DCTN3: variants seen among roughly 807,000 people sequenced by gnomAD.
DCTN3 encodes the protein dynactin subunit 3, also known as dynactin 3 (p22).
Under a neutral mutation model 28.4 loss-of-function variants are expected in DCTN3, and 25 were observed. The ratio of observed to expected loss-of-function variants is 0.88; its 90% CI spans 0.64 to 1.23. The LOEUF is 1.23. DCTN3 is among the 50% of genes most tolerant of loss of function. The pLI is 0.00. For synonymous variants in DCTN3, 81 were observed against 91.4 expected (o/e 0.89, Z 0.65); for missense variants, 229 against 232.0 (o/e 0.99, Z 0.08).
In DCTN3 at chr9:34,620,370, T is replaced by C. The variant is rs1321352121; in HGVS notation, c.95A>G (p.Lys32Arg). ...YGPGGARGSR[K>R]VADGLVKVQV... ...GGACTACCGGACCAGACTACTCACC[T>C]TCCGTGAGCCGCGCGCCCCGCCCGG... The change falls in exon 1 of 7, where the codon AAG becomes AGG. Residue 32 changes from lysine (K) to arginine (R), a missense_variant and splice_region_variant. By Grantham distance (26) the Lys-to-Arg change is conservative. Coordinates refer to ENST00000259632, the MANE Select transcript of DCTN3 (RefSeq NM_007234.5). 2 of 1,612,356 alleles carry C rather than the reference T, an allele frequency of 1.2e-6. No homozygotes were observed. Among genetic ancestry groups the C allele is most frequent in the African/African-American group, 1.3e-5 (1 of 75,026 alleles).
intron 2 of DCTN3, among the ~76,000 whole-genome samples, chr9:34,618,443 G>A (rs1482415638): frequency 2.0e-5 from 3 of 152,200 alleles, no homozygotes; most frequent in African/African-American, 7.2e-5. Flanking sequence ...AAGCTTTCAG[G>A]TAGAGCTCTT....
rs1820353266 is a variant in DCTN3, at chr9:34,613,662, C to T, written c.*120G>A. 3 of 1,377,820 alleles carry T rather than the reference C, an allele frequency of 2.2e-6. No individual in the cohort carries two copies. The highest frequency in any genetic ancestry group is 2.3e-5 in the Admixed American group (1 of 43,502). The allele number at this position is 1,377,820 out of a possible 1,614,324, so 85.3% of individuals were successfully genotyped here. On this transcript the variant is annotated 3_prime_UTR_variant, in exon 7 of 7. Transcript: ENST00000259632. ...ACCTCCAACTTTAGAGCCCAGAGTA[C>T]AGAGAGGTGGGCCTTGAAGCCAATA...
In DCTN3 at chr9:34,613,815, C is replaced by T; in HGVS notation, c.528G>A (p.Glu176=). The T allele has an allele frequency of 6.2e-7, 1 of 1,614,114 alleles. No homozygotes were observed. Among genetic ancestry groups the T allele is most frequent in the Non-Finnish European group, 8.5e-7 (1 of 1,180,010 alleles). The change falls in exon 7 of 7, where the codon GAG becomes GAA. Residue 176 remains glutamate, a synonymous_variant. Coordinates refer to ENST00000259632, the MANE Select transcript of DCTN3 (RefSeq NM_007234.5). ...VQWDELLCQL[E]AATQVKPAEE ...CTGCTGGCTTCACTTGCGTGGCGGC[C>T]TCTAGCTGGCAAAGTAGCTCATCCC...
Position 34,617,939 on chromosome 9 carries a change from A to T in DCTN3, c.214T>A (p.Tyr72Asn). ...TCAGGTATGGCAATGCGGTCGATGT[A>T]CTCAGGATCCAGGTACTTGATCAGA... ...EDLIKYLDPE[Y>N]IDRIAIPDAS... Residue 72 changes from tyrosine (Y) to asparagine (N), a missense_variant, in exon 3 of 7, where the codon TAC becomes AAC. Coordinates refer to ENST00000259632, the MANE Select transcript of DCTN3 (RefSeq NM_007234.5). 1 of 1,613,906 alleles carries T rather than the reference A, an allele frequency of 6.2e-7. No homozygotes were observed. Among genetic ancestry groups the T allele is most frequent in the Non-Finnish European group, 8.5e-7 (1 of 1,179,828 alleles).
At chr9:34,614,963 G>C in intron 4 of DCTN3, 195 bp from the exon 5 acceptor site, 1 of 623,368 alleles carries the variant, frequency 1.6e-6, no homozygotes, top group African/African-American at 1.8e-5. Context: ...GACCCATAGG[G>C]GAGGGGAAGA....
Position 34,616,423 on chromosome 9 carries a change from G to A in DCTN3, c.269-310C>T, listed in dbSNP as rs1820425794. On this transcript the variant is annotated intron_variant, in intron 3 of 6. Transcript: ENST00000259632. The surrounding 1 kb of genome is among the most constrained non-coding windows in gnomAD (Gnocchi z 4.7). ...CAACAAACTCAGGGAGCACCTCCTA[G>A]GCCACAAAATACAAAATACTTCAGA... 3.3e-5 allele frequency: 8 copies of A among 240,718 alleles called. No individual in the cohort carries two copies. In the South Asian group the frequency reaches 4.9e-4, roughly 15 times the overall value. The allele number at this position is 240,718 out of a possible 1,614,324, so 14.9% of individuals were successfully genotyped here. A position where few individuals can be genotyped will look rare whatever the true frequency, so the allele number is the denominator to read the frequency against.
chr9:34,617,987 G>C lies in DCTN3; in HGVS notation c.182-16C>G. On this transcript the variant is annotated splice_polypyrimidine_tract_variant and intron_variant, in intron 2 of 6. Transcript: ENST00000259632. ...AGATCTTCAACTAGAAAAGTAGCAA[G>C]ATGGAAAATGGAATAGGGTTGGGCA... 6.2e-7 allele frequency: 1 copy of C among 1,611,154 alleles called. No homozygotes were observed. The highest frequency in any genetic ancestry group is 1.3e-5 in the African/African-American group (1 of 75,012).
chr9:34,620,409 C>A lies in DCTN3; in HGVS notation c.56G>T (p.Arg19Leu), dbSNP rs1343350643. 6.3e-7 allele frequency: 1 copy of A among 1,575,516 alleles called. No individual in the cohort carries two copies. Among genetic ancestry groups the A allele is most frequent in the Non-Finnish European group, 8.6e-7 (1 of 1,161,344 alleles). The change falls in exon 1 of 7, where the codon CGC (arginine) becomes CTC (leucine). Residue 19 changes from arginine (R) to leucine (L), a missense_variant. By Grantham distance (102) the Arg-to-Leu change is moderately radical. Coordinates refer to ENST00000259632, the MANE Select transcript of DCTN3 (RefSeq NM_007234.5). ...CGCCCCGCCCGGCCCGTACACCCAGCGCTCCAGCTCTTCCACTCGGGCCTG... is the reference window on the plus strand; with the variant it reads ...CGCCCCGCCCGGCCCGTACACCCAGAGCTCCAGCTCTTCCACTCGGGCCTG... ...RLQARVEELE[R>L]WVYGPGGARG...
chr9:34,614,938 CCA>C, intron 4 of DCTN3, 170 bp from the exon 5 acceptor site: 1 of 714,750 alleles, frequency 1.4e-6, no homozygotes, highest in Admixed American at 2.3e-5. Context: ...CCTGCCCACT[CCA>C]GTCTTACTCC....
chr9:34,615,790 C>G, intron 4 of DCTN3: 1 of 363,058 alleles, frequency 2.8e-6, no homozygotes. Context: ...GTAATCCTAG[C>G]TACTTGGGAG....
In DCTN3 at chr9:34,613,890, G is replaced by T; in HGVS notation, c.472-19C>A. On this transcript the variant is annotated intron_variant, in intron 6 of 6. Coordinates refer to ENST00000259632, the MANE Select transcript of DCTN3 (RefSeq NM_007234.5). The stretch of plus-strand genomic sequence containing the variant: ...GCATTGTCTGGTTGTAGGTCAAGGT[G>T]AGAATAGGAATCTGAGTGAGGAAGT... 1.2e-6 allele frequency: 2 copies of T among 1,614,082 alleles called. No individual in the cohort carries two copies. Among genetic ancestry groups the T allele is most frequent in the South Asian group, 2.2e-5 (2 of 90,932 alleles).
At chr9:34,614,186 C>A (rs752470757) in intron 5 of DCTN3, 85 bp from the exon 6 acceptor site, 1 of 1,611,972 alleles carries the variant, frequency 6.2e-7, no homozygotes, top group East Asian at 2.2e-5. Context: ...CGGACTCCCA[C>A]TCCCCATGGA....
rs774799784 is a variant in DCTN3 at position 34,617,878 on chromosome 9, G to C, written c.268+7C>G. 1.9e-6 allele frequency: 3 copies of C among 1,613,546 alleles called. No individual in the cohort carries two copies. The highest frequency in any genetic ancestry group is 2.5e-6 in the Non-Finnish European group (3 of 1,179,688). On this transcript the variant is annotated splice_region_variant and intron_variant, in intron 3 of 6. Transcript: ENST00000259632. The stretch of plus-strand genomic sequence containing the variant: ...CAGATGCATGTACACATGTAGTCCA[G>C]CATTACCTGCTAGGATGAATTGCAG...
chr9:34,615,085 T>C, intron 4 of DCTN3: 1 of 310,468 alleles, frequency 3.2e-6, no homozygotes, highest in Non-Finnish European at 6.0e-6. Context: ...TTATAGGACC[T>C]GTCCCTTTGC....
intron 2 of DCTN3, 96 bp downstream of exon 2, chr9:34,618,580 A>T (rs2132303840): frequency 2.2e-6 from 2 of 902,794 alleles, no homozygotes; most frequent in East Asian, 2.4e-5. Context: ...CCAAAGGGCT[A>T]TTCCAGTGAC....
rs1820422708 is a variant in DCTN3, at chr9:34,616,214, T to C, written c.269-101A>G. The C allele has an allele frequency of 2.5e-6, 2 of 814,056 alleles. No homozygotes were observed. The highest frequency in any genetic ancestry group is 4.1e-6 in the Non-Finnish European group (2 of 487,826). 50.4% of individuals were successfully genotyped at this position (814,056 alleles called of 1,614,324 possible). ...GGACCTGGCAAGGGAGATGGCTAGG[T>C]CCTAGAGCTTTGGACAGTGACTCTG... is the stretch of plus-strand genomic sequence containing the variant. On this transcript the variant is annotated intron_variant, in intron 3 of 6. Transcript: ENST00000259632. This position sits in a 1 kb window ranked among gnomAD's most constrained non-coding sequence, Gnocchi z 4.7.
In DCTN3 at chr9:34,620,388, C is replaced by G. The variant is rs746372465; in HGVS notation, c.77G>C (p.Gly26Ala). The G allele has an allele frequency of 2.5e-6, 4 of 1,601,664 alleles. No individual in the cohort carries two copies. The African/African-American group carries it at 5.4e-5, about 21-fold the overall frequency. ...ELERWVYGPG[G>A]ARGSRKVADG... The stretch of plus-strand genomic sequence containing the variant: ...ACTCACCTTCCGTGAGCCGCGCGCC[C>G]CGCCCGGCCCGTACACCCAGCGCTC... Residue 26 changes from glycine to alanine, a missense_variant, in exon 1 of 7, where the codon GGG becomes GCG. By Grantham distance (60) the Gly-to-Ala change is moderately conservative. Transcript: ENST00000259632.
At chr9:34,619,548 G>A (rs780238771) in intron 1 of DCTN3, among the ~76,000 whole-genome samples, 2 of 152,178 alleles carry the variant, frequency 1.3e-5, no homozygotes, top group Non-Finnish European at 2.9e-5. Context: ...GGAATGCCAG[G>A]GGGGAGGCAA....
At chr9:34,614,521 G>T in intron 5 of DCTN3, 189 bp downstream of exon 5, 1 of 671,462 alleles carries the variant, frequency 1.5e-6, no homozygotes, top group Non-Finnish European at 2.5e-6. Flanking sequence ...TCTGGAAGCA[G>T]AAAGTTTGTA....
Sources: gnomAD v4.1 joint callset for allele counts (sites outside exome capture counted in the v4.1 genomes callset) on GRCh38, gnomAD v4.1.1 for gene constraint, Gnocchi (gnomAD v3.1) non-coding constraint, MANE v1.5 for transcripts, NCBI Gene and HGNC (gene_info 2026-07-23, HGNC 2026-07-21) for gene names.